Variants in SLC66A2 observed in about 807,000 individuals in gnomAD.
SLC66A2 encodes the protein PQ loop repeat containing 1.
Under a neutral mutation model 25.5 loss-of-function variants are expected in SLC66A2, and 23 were observed. The ratio of observed to expected loss-of-function variants is 0.90; its 90% confidence interval spans 0.65 to 1.28. The LOEUF (loss-of-function observed/expected upper bound fraction) is 1.28, where lower values mean the gene tolerates loss of function less well. SLC66A2 is among the 50% of genes most tolerant of loss of function. SLC66A2 has a pLI of 0.00. For synonymous variants in SLC66A2, 193 were observed against 166.5 expected (o/e 1.16, Z -1.23); for missense variants, 396 against 373.1 (o/e 1.06, Z -0.51).
intron 3 of SLC66A2, among the ~76,000 whole-genome samples, chr18:79,938,586 G>A (rs1348015286): frequency 6.6e-6 from 1 of 152,224 alleles, no homozygotes; most frequent in African/African-American, 2.4e-5. Context: ...AAAGGCGACT[G>A]TAGAAGAAAA....
rs1267039439 is a variant in SLC66A2 at position 79,950,863 on chromosome 18, C to T, written c.64G>A (p.Ala22Thr). The change falls in exon 2 of 6, where the codon GCC (alanine) becomes ACC (threonine). Residue 22 changes from alanine to threonine, a missense_variant. By Grantham distance (58) the Ala-to-Thr change is moderately conservative. Transcript: ENST00000397778. Reference sequence around the variant, plus strand: ...ACCCCTCCGAAGACCATGGCCGCGGCCGCGCCCCAGGACACCAGCTGGTGC... The same window carrying T: ...ACCCCTCCGAAGACCATGGCCGCGGTCGCGCCCCAGGACACCAGCTGGTGC... Reference protein sequence around the residue: ...PLHQLVSWGAAAAMVFGGVVP... With the variant: ...PLHQLVSWGATAAMVFGGVVP... 6.2e-7 allele frequency: 1 copy of T among 1,608,636 alleles called. No homozygotes were observed. The highest frequency in any genetic ancestry group is 1.3e-5 in the African/African-American group (1 of 74,892).
At position 79,937,662 on chromosome 18, in the gene SLC66A2, C is replaced by T. The variant is rs1475363005; in HGVS notation, c.338-3640G>A. 3.9e-5 allele frequency among the ~76,000 whole-genome samples: 6 copies of T among 152,132 alleles called. No homozygotes were observed. The highest frequency in any genetic ancestry group is 1.4e-4 in the African/African-American group (6 of 41,408). Reference sequence around the variant, plus strand: ...AGTGGCCGCTGACCACACGCACCTCCGACGGAACGACGCAACCATCCTGCG... The same window carrying T: ...AGTGGCCGCTGACCACACGCACCTCTGACGGAACGACGCAACCATCCTGCG... On this transcript the variant is annotated intron_variant, in intron 3 of 5. Coordinates refer to ENST00000397778, the MANE Select transcript of SLC66A2 (RefSeq NM_025078.5). This position sits in a 1 kb window ranked among gnomAD's most constrained non-coding sequence, Gnocchi z 5.4.
chr18:79,935,637 C>T (rs1987005193), intron 3 of SLC66A2, among the ~76,000 whole-genome samples: 1 of 152,194 alleles, frequency 6.6e-6, no homozygotes, highest in Admixed American at 6.5e-5. Context: ...AAAGATACAG[C>T]TTCCACCTGC....
intron 4 of SLC66A2, among the ~76,000 whole-genome samples, chr18:79,924,071 C>T (rs1340264139): frequency 2.6e-5 from 4 of 151,410 alleles, no homozygotes; most frequent in East Asian, 1.9e-4. Context: ...CGAGCTTAAC[C>T]GTACACGCCA....
At chr18:79,933,799 T>G (rs569004846) in intron 4 of SLC66A2, among the ~76,000 whole-genome samples, 170 bp downstream of exon 4, 1 of 152,022 alleles carries the variant, frequency 6.6e-6, no homozygotes, top group South Asian at 2.1e-4. Flanking sequence ...AACTACTTCA[T>G]GCTTGAAAAC....
chr18:79,909,106 A>G (rs1348340908), intron 5 of SLC66A2, among the ~76,000 whole-genome samples: 1 of 152,252 alleles, frequency 6.6e-6, no homozygotes, highest in African/African-American at 2.4e-5. Flanking sequence ...GGTCCTATCA[A>G]CAGTGTTGCT....
chr18:79,910,828 C>T (rs1983003227), intron 5 of SLC66A2, among the ~76,000 whole-genome samples: 1 of 152,252 alleles, frequency 6.6e-6, no homozygotes, highest in African/African-American at 2.4e-5. Flanking sequence ...CAACGTCCCT[C>T]CTCACACAGC....
intron 3 of SLC66A2, chr18:79,935,454 G>A (rs773029452): frequency 3.3e-5 from 5 of 152,242 alleles, no homozygotes; most frequent in African/African-American, 9.7e-5. Context: ...TGCTGAACAC[G>A]TCCTCCAGAC....
At position 79,902,536 on chromosome 18, in the gene SLC66A2, G is replaced by A. The variant is rs1981353752; in HGVS notation, c.*1440C>T. ...AGGCAATTACCGCTACAGACATCTT[G>A]CTTCATCTTAAAAAAATAAAAATTT... On this transcript the variant is annotated 3_prime_UTR_variant, in exon 6 of 6. Coordinates refer to ENST00000397778, the MANE Select transcript of SLC66A2 (RefSeq NM_025078.5). The A allele has an allele frequency of 6.6e-6, 1 of 152,280 alleles. No homozygotes were observed. The highest frequency in any genetic ancestry group is 1.5e-5 in the Non-Finnish European group (1 of 68,052). The allele number at this position is 152,280 out of a possible 1,614,324, so 9.4% of individuals were successfully genotyped here. A position where few individuals can be genotyped will look rare whatever the true frequency, so the allele number is the denominator to read the frequency against.
intron 2 of SLC66A2, among the ~76,000 whole-genome samples, chr18:79,948,176 G>C (rs377351511): frequency 6.6e-6 from 1 of 152,332 alleles, no homozygotes; most frequent in East Asian, 1.9e-4. Flanking sequence ...GCTGCCCTGT[G>C]CTCCACAAAG....
intron 4 of SLC66A2, among the ~76,000 whole-genome samples, chr18:79,919,653 G>C (rs75343249): frequency 1.2e-4 from 1 of 8,140 alleles, no homozygotes; most frequent in African/African-American, 1.3e-4. Flanking sequence ...GTCAAGGTCA[G>C]TGGGGAGAGA....
intron 5 of SLC66A2, among the ~76,000 whole-genome samples, chr18:79,914,678 C>G (rs1983729546): frequency 6.6e-6 from 1 of 152,234 alleles, no homozygotes. Flanking sequence ...GAAGACCACA[C>G]AGCAAGGGGG....
intron 4 of SLC66A2, among the ~76,000 whole-genome samples, chr18:79,930,775 G>C (rs908345886): frequency 6.6e-6 from 1 of 152,108 alleles, no homozygotes; most frequent in Admixed American, 6.5e-5. Context: ...ACCACAAATG[G>C]TAAATAAGGT....
chr18:79,904,392 G>A lies in SLC66A2; in HGVS notation c.609-209C>T, dbSNP rs1300130805. 6.6e-6 allele frequency among the ~76,000 whole-genome samples: 1 copy of A among 151,888 alleles called. No homozygotes were observed. Among genetic ancestry groups the A allele is most frequent in the Non-Finnish European group, 1.5e-5 (1 of 67,894 alleles). On this transcript the variant is annotated intron_variant, in intron 5 of 5. Coordinates refer to ENST00000397778, the MANE Select transcript of SLC66A2 (RefSeq NM_025078.5). The surrounding 1 kb of genome is among the most constrained non-coding windows in gnomAD (Gnocchi z 6.3). ...GACACCCAGTCTACAGGGTGACCCAGGGGTCAGGGACACCCCAGGGGGCCA... is the reference window on the plus strand; with the variant it reads ...GACACCCAGTCTACAGGGTGACCCAAGGGTCAGGGACACCCCAGGGGGCCA...
chr18:79,905,742 G>C (rs1982027751), intron 5 of SLC66A2, among the ~76,000 whole-genome samples: 1 of 152,230 alleles, frequency 6.6e-6, no homozygotes, highest in Admixed American at 6.5e-5. Flanking sequence ...CAAGGCCTGA[G>C]AGCCACCACC....
rs558527817 is a variant in SLC66A2 at position 79,941,958 on chromosome 18, C to T, written c.337+1371G>A. 6.6e-6 allele frequency among the ~76,000 whole-genome samples: 1 copy of T among 152,350 alleles called. No individual in the cohort carries two copies. The highest frequency in any genetic ancestry group is 6.5e-5 in the Admixed American group (1 of 15,300). On this transcript the variant is annotated intron_variant, in intron 3 of 5. Coordinates refer to ENST00000397778, the MANE Select transcript of SLC66A2 (RefSeq NM_025078.5). The surrounding 1 kb of genome is among the most constrained non-coding windows in gnomAD (Gnocchi z 4.1). ...GGCACAAACCGTTCTCTCGGCCAGC[C>T]GGCCCTCCCACAGTGAGAACATTCT...
chr18:79,917,905 C>G lies in SLC66A2; in HGVS notation c.608+1279G>C, dbSNP rs1180643221. Among the ~76,000 whole-genome samples, 1 of 151,738 alleles carries G rather than the reference C, an allele frequency of 6.6e-6. No homozygotes were observed. The highest frequency in any genetic ancestry group is 2.4e-5 in the African/African-American group (1 of 41,282). ...CACACCTGACCCATGCCCCACACCT[C>G]TACCTACAGCCCACACCGGAACTCC... On this transcript the variant is annotated intron_variant, in intron 5 of 5. Transcript: ENST00000397778. The surrounding 1 kb of genome is among the most constrained non-coding windows in gnomAD (Gnocchi z 6.0).
intron 2 of SLC66A2, among the ~76,000 whole-genome samples, chr18:79,948,274 A>C (rs2051000030): frequency 6.6e-6 from 1 of 152,246 alleles, no homozygotes; most frequent in South Asian, 2.1e-4. Flanking sequence ...TTAGGTCATG[A>C]GGCAATGACA....
At position 79,936,250 on chromosome 18, in the gene SLC66A2, G is replaced by GGCCC. The variant is rs1316986869; in HGVS notation, c.338-2232_338-2229dup. ...CCAGGGAAGAGCACATGATCACAGT[G>GGCCC]GCCCAGGCGAGCCCCCAATGGGAGG... On this transcript the variant is annotated intron_variant, in intron 3 of 5. Coordinates refer to ENST00000397778, the MANE Select transcript of SLC66A2 (RefSeq NM_025078.5). Among the ~76,000 whole-genome samples the GGCCC allele has an allele frequency of 2.0e-5, 3 of 152,316 alleles. No homozygotes were observed. In the South Asian group the frequency reaches 6.2e-4, roughly 32 times the overall value.
Sources: gnomAD v4.1 joint callset for allele counts (sites outside exome capture counted in the v4.1 genomes callset) on GRCh38, gnomAD v4.1.1 for gene constraint, Gnocchi (gnomAD v3.1) non-coding constraint, MANE v1.5 for transcripts, NCBI Gene and HGNC (gene_info 2026-07-23, HGNC 2026-07-21) for gene names.